The following PRKN variants were observed in gnomAD, a reference collection of about 807,000 sequenced individuals.
The protein encoded by PRKN is parkin RBR E3 ubiquitin protein ligase.
PRKN carries 56 observed loss-of-function variants against 59.5 expected under a neutral mutation model. The ratio of observed to expected loss-of-function variants is 0.94; its 90% confidence interval spans 0.76 to 1.18. The LOEUF (loss-of-function observed/expected upper bound fraction) is 1.18, where lower values mean the gene tolerates loss of function less well. Ranked by LOEUF, PRKN falls within the 50% of genes most tolerant of loss-of-function variation. PRKN has a pLI of 0.00. For missense variants in PRKN, 657 were observed against 596.4 expected (o/e 1.10, Z -1.06); for synonymous variants, 250 against 222.1 (o/e 1.13, Z -1.12).
chr6:161,426,212 G>A (rs1413518899), intron 9 of PRKN, among the ~76,000 whole-genome samples: 1 of 152,142 alleles, frequency 6.6e-6, no homozygotes, highest in Non-Finnish European at 1.5e-5. Context: ...ACCCAAAGGG[G>A]CGTGCTGAAG....
intron 5 of PRKN, among the ~76,000 whole-genome samples, chr6:162,026,170 A>T (rs1783427126): frequency 6.6e-6 from 1 of 152,170 alleles, no homozygotes; most frequent in South Asian, 2.1e-4. Context: ...ACATCTGTGT[A>T]ACTTTGTGGA....
Position 162,526,268 on chromosome 6 carries a change from AG to A in PRKN, c.8-82796del, listed in dbSNP as rs748362178. 2.2e-3 allele frequency among the ~76,000 whole-genome samples: 172 copies of A among 77,868 alleles called. 1 individual carries two copies. The highest frequency in any genetic ancestry group is 8.5e-3 in the African/African-American group (113 of 13,338). 51.1% of individuals were successfully genotyped at this position (77,868 alleles called of 152,430 possible). On this transcript the variant is annotated intron_variant, in intron 1 of 11. Transcript: ENST00000366898. ...ATAATGCAGAACCTCCACAAGGCTA[AG>A]GGAAAAAAAAAAACAACTACTACAA...
chr6:162,613,878 T>A (rs1323796813), intron 1 of PRKN, among the ~76,000 whole-genome samples: 1 of 148,684 alleles, frequency 6.7e-6, no homozygotes, highest in Non-Finnish European at 1.5e-5. Flanking sequence ...TGTGTATTGC[T>A]TAGCTTGAAG....
intron 2 of PRKN, among the ~76,000 whole-genome samples, chr6:162,267,741 T>C (rs1780202047): frequency 6.6e-6 from 1 of 152,162 alleles, no homozygotes; most frequent in African/African-American, 2.4e-5. Context: ...GATCAGTATC[T>C]TGGGCTTTCT....
At chr6:162,459,421 A>G (rs1791054695) in intron 1 of PRKN, among the ~76,000 whole-genome samples, 1 of 152,154 alleles carries the variant, frequency 6.6e-6, no homozygotes, top group Non-Finnish European at 1.5e-5. Context: ...ATTTAATGAA[A>G]TTGTCAGTTA....
At position 161,497,120 on chromosome 6, in the gene PRKN, G is replaced by C. The variant is rs1347709132; in HGVS notation, c.1083+51734C>G. On this transcript the variant is annotated intron_variant, in intron 9 of 11. Coordinates refer to ENST00000366898, the MANE Select transcript of PRKN (RefSeq NM_004562.3). This position sits in a 1 kb window ranked among gnomAD's most constrained non-coding sequence, Gnocchi z 4.6. ...TACGACTCCACAGCCTGTTCCCAGG[G>C]GTCAGCCCACAGGCCAGGGCCAGGC... Among the ~76,000 whole-genome samples, 3 of 152,202 alleles carry C rather than the reference G, an allele frequency of 2.0e-5. No individual in the cohort carries two copies. The highest frequency in any genetic ancestry group is 7.2e-5 in the African/African-American group (3 of 41,460).
rs536668824 is a variant in PRKN, at chr6:162,577,143, T to G, written c.8-133670A>C. ...AAATAATCATAACCAAAGAGAGTTA[T>G]ATCTTCAATCTATAAAAAGCTCTGA... On this transcript the variant is annotated intron_variant, in intron 1 of 11. Transcript: ENST00000366898. 1.1e-3 allele frequency among the ~76,000 whole-genome samples: 160 copies of G among 152,230 alleles called. 1 individual carries two copies. The highest frequency in any genetic ancestry group is 6.8e-3 in the Middle Eastern group (2 of 294).
intron 1 of PRKN, among the ~76,000 whole-genome samples, chr6:162,670,944 TG>T (rs1367104417): frequency 6.6e-6 from 1 of 152,202 alleles, no homozygotes; most frequent in Non-Finnish European, 1.5e-5. Flanking sequence ...ACTTTGATAA[TG>T]TTTAACCAAG....
intron 7 of PRKN, among the ~76,000 whole-genome samples, chr6:161,783,504 A>T (rs534073344): frequency 6.6e-6 from 1 of 152,322 alleles, no homozygotes; most frequent in Non-Finnish European, 1.5e-5. Flanking sequence ...AGGAAGGTTC[A>T]CTGTAGTATT....
intron 6 of PRKN, among the ~76,000 whole-genome samples, chr6:161,886,188 T>G (rs1030693533): frequency 6.6e-6 from 1 of 152,206 alleles, no homozygotes; most frequent in Non-Finnish European, 1.5e-5. Context: ...AGAATTAAAT[T>G]TTTAACTTAA....
chr6:162,196,678 G>A (rs1435103703), intron 4 of PRKN, among the ~76,000 whole-genome samples: 4 of 152,148 alleles, frequency 2.6e-5, no homozygotes, highest in Non-Finnish European at 5.9e-5. Flanking sequence ...TTACCTATGA[G>A]GTCAGGTGAA....
intron 2 of PRKN, among the ~76,000 whole-genome samples, chr6:162,347,422 G>C (rs9456768): frequency 6.6e-6 from 1 of 151,662 alleles, no homozygotes; most frequent in East Asian, 1.9e-4. Context: ...AGTTACTTAA[G>C]AGGTTTTCTT....
At chr6:162,710,199 G>C (rs1223202112) in intron 1 of PRKN, among the ~76,000 whole-genome samples, 1 of 152,042 alleles carries the variant, frequency 6.6e-6, no homozygotes, top group Non-Finnish European at 1.5e-5. Context: ...GCTGCTGCTT[G>C]AAAGCCACAG....
At chr6:162,235,957 G>GAAA (rs1491522074) in intron 3 of PRKN, among the ~76,000 whole-genome samples, 6,423 of 86,846 alleles carry the variant, frequency 0.074, 653 homozygotes, top group African/African-American at 0.17. Flanking sequence ...AAGGAAGAAA[G>GAAA]GAAGAAAGAA....
At chr6:162,611,250 A>G (rs377060039) in intron 1 of PRKN, among the ~76,000 whole-genome samples, 2 of 152,220 alleles carry the variant, frequency 1.3e-5, no homozygotes, top group Non-Finnish European at 2.9e-5. Flanking sequence ...TCTTCAATGT[A>G]TATCAATGAA....
At chr6:161,961,337 G>A (rs1780368910) in intron 6 of PRKN, among the ~76,000 whole-genome samples, 1 of 152,176 alleles carries the variant, frequency 6.6e-6, no homozygotes, top group East Asian at 1.9e-4. Context: ...AGAAACGGAA[G>A]CTACGTGGGA....
chr6:161,890,072 CT>C (rs1393409105), intron 6 of PRKN, among the ~76,000 whole-genome samples: 1 of 152,154 alleles, frequency 6.6e-6, no homozygotes, highest in Non-Finnish European at 1.5e-5. Context: ...AGCTCTCCAG[CT>C]CCCAACTTCT....
chr6:162,289,440 C>G (rs905042442), intron 2 of PRKN, among the ~76,000 whole-genome samples: 1 of 152,008 alleles, frequency 6.6e-6, no homozygotes, highest in African/African-American at 2.4e-5. Context: ...TGGCTCATGC[C>G]TGTAATCCCA....
intron 1 of PRKN, among the ~76,000 whole-genome samples, chr6:162,634,997 T>C (rs1777655063): frequency 2.6e-5 from 4 of 152,218 alleles, no homozygotes; most frequent in Admixed American, 1.3e-4. Flanking sequence ...AATTTCACTT[T>C]TGAGAAGTTC....
Sources: allele counts gnomAD v4.1 joint callset (sites outside exome capture counted in the v4.1 genomes callset), GRCh38; gene constraint gnomAD v4.1.1; non-coding constraint Gnocchi (gnomAD v3.1); transcripts MANE v1.5; gene names NCBI Gene and HGNC (gene_info 2026-07-23, HGNC 2026-07-21).